RTN4IP1: variants seen among roughly 807,000 people sequenced by gnomAD.
RTN4IP1 encodes NAD(P)H oxidoreductase RTN4IP1, mitochondrial.
In RTN4IP1, 32 loss-of-function variants were observed where a neutral mutation model predicts 46.6. The observed-to-expected ratio is 0.69, with a 90% confidence interval of 0.52 to 0.92. RTN4IP1 has a LOEUF of 0.92. Among genes scored for constraint, RTN4IP1 ranks in the 40% least tolerant of loss-of-function variants. The pLI, the probability that RTN4IP1 is intolerant of heterozygous loss-of-function variation, is 0.00. For synonymous variants in RTN4IP1, 167 were observed against 161.8 expected (o/e 1.03, Z -0.24); for missense variants, 424 against 485.8 (o/e 0.87, Z 1.20).
chr6:106,588,865 C>T (rs1299616544), intron 6 of RTN4IP1, among the ~76,000 whole-genome samples: 1 of 151,896 alleles, frequency 6.6e-6, no homozygotes, highest in African/African-American at 2.4e-5. Flanking sequence ...AATCCCAGGA[C>T]TTTGGGAGGC....
intron 1 of RTN4IP1, among the ~76,000 whole-genome samples, chr6:106,626,717 G>A (rs1231229901): frequency 6.6e-6 from 1 of 152,112 alleles, no homozygotes; most frequent in Admixed American, 6.5e-5. Context: ...TTGGTGACAC[G>A]GATGACTGAA....
At chr6:106,594,080 T>C (rs1315261118) in intron 5 of RTN4IP1, among the ~76,000 whole-genome samples, 1 of 152,238 alleles carries the variant, frequency 6.6e-6, no homozygotes, top group Non-Finnish European at 1.5e-5. Context: ...CTCAAATTTC[T>C]GGTTTTTCCC....
intron 6 of RTN4IP1, 35 bp downstream of exon 6, chr6:106,592,129 C>T (rs757327131): frequency 6.2e-7 from 1 of 1,603,332 alleles, no homozygotes; most frequent in African/African-American, 1.3e-5. Context: ...TGTCCTTGTT[C>T]CCACTCCCAG....
At chr6:106,629,828 G>A (rs1236543783), upstream of RTN4IP1, 13 of 1,203,790 alleles carry the variant, frequency 1.1e-5, no homozygotes, top group African/African-American at 1.8e-4. Context: ...CTAGAACTGA[G>A]TGGGGGATAA....
intron 5 of RTN4IP1, among the ~76,000 whole-genome samples, chr6:106,599,667 A>T (rs1310339886): frequency 6.6e-6 from 1 of 152,110 alleles, no homozygotes; most frequent in Non-Finnish European, 1.5e-5. Flanking sequence ...GTAAGAATAT[A>T]CCACAATTTA....
intron 7 of RTN4IP1, among the ~76,000 whole-genome samples, chr6:106,584,405 C>A (rs1382983744): frequency 6.6e-6 from 1 of 152,224 alleles, no homozygotes; most frequent in Non-Finnish European, 1.5e-5. Flanking sequence ...GCCCTCTCCA[C>A]AACTACCCAC....
At chr6:106,576,695 G>A (rs55904932) in intron 8 of RTN4IP1, among the ~76,000 whole-genome samples, 9,041 of 152,270 alleles carry the variant, frequency 0.059, 385 homozygotes, top group Non-Finnish European at 0.089. Context: ...CTCTAGACAC[G>A]TGACTATTTA....
chr6:106,597,402 T>G (rs930147522), intron 5 of RTN4IP1, among the ~76,000 whole-genome samples: 31 of 152,194 alleles, frequency 2.0e-4, no homozygotes, highest in African/African-American at 6.8e-4. Context: ...TGAAGTGCAG[T>G]GGTGTGATCA....
chr6:106,589,178 G>A (rs1455948853), intron 6 of RTN4IP1, among the ~76,000 whole-genome samples: 4 of 17,912 alleles, frequency 2.2e-4, no homozygotes, highest in Non-Finnish European at 5.5e-4. Context: ...CGGTGGAGGA[G>A]GAGGAGGAGG....
chr6:106,604,628 T>C (rs1464139242), intron 4 of RTN4IP1, among the ~76,000 whole-genome samples: 14 of 152,178 alleles, frequency 9.2e-5, no homozygotes, highest in South Asian at 4.2e-4. Flanking sequence ...CACAGAAGAT[T>C]AACTCACATG....
chr6:106,606,972 G>A lies in RTN4IP1; in HGVS notation c.621-4050C>T, dbSNP rs113435072. Among the ~76,000 whole-genome samples, 204 of 152,114 alleles carry A rather than the reference G, an allele frequency of 1.3e-3. 2 individuals carry two copies. Among genetic ancestry groups the A allele is most frequent in the African/African-American group, 4.8e-3 (199 of 41,486 alleles). ...AATATGCACAAAAATAAAACAGCAG[G>A]AGGCATCACCCTACCTGACTTCAAA... On this transcript the variant is annotated intron_variant, in intron 4 of 8. Coordinates refer to ENST00000369063, the MANE Select transcript of RTN4IP1 (RefSeq NM_032730.5).
At chr6:106,597,248 T>C (rs965363454) in intron 5 of RTN4IP1, among the ~76,000 whole-genome samples, 1 of 152,240 alleles carries the variant, frequency 6.6e-6, no homozygotes, top group Admixed American at 6.5e-5. Context: ...ATGGGTTCAA[T>C]TCCCTTGCTT....
At chr6:106,589,076 C>T in intron 6 of RTN4IP1, among the ~76,000 whole-genome samples, 1 of 141,732 alleles carries the variant, frequency 7.1e-6, no homozygotes, top group Non-Finnish European at 1.5e-5. Flanking sequence ...TGCCATTGCA[C>T]TCCAGCCTGG....
chr6:106,589,778 G>A (rs1775600616), intron 6 of RTN4IP1, among the ~76,000 whole-genome samples: 1 of 152,162 alleles, frequency 6.6e-6, no homozygotes, highest in South Asian at 2.1e-4. Context: ...TCAAACTCCA[G>A]GCAGAAATTA....
chr6:106,595,771 T>C lies in RTN4IP1; in HGVS notation c.670-3471A>G, dbSNP rs543269517. Among the ~76,000 whole-genome samples the C allele has an allele frequency of 2.6e-5, 4 of 152,324 alleles. No homozygotes were observed. In the South Asian group the frequency reaches 8.3e-4, roughly 32 times the overall value. On this transcript the variant is annotated intron_variant, in intron 5 of 8. Transcript: ENST00000369063. Reference sequence around the variant, plus strand: ...CCTTGGCATCCCAAAGTGCTGAGATTACAGGCATGAGCCAACGCGTCCAGC... The same window carrying C: ...CCTTGGCATCCCAAAGTGCTGAGATCACAGGCATGAGCCAACGCGTCCAGC...
chr6:106,624,305 C>T (rs968999520), intron 1 of RTN4IP1, among the ~76,000 whole-genome samples: 3 of 152,056 alleles, frequency 2.0e-5, no homozygotes, highest in Admixed American at 6.5e-5. Context: ...CCGCCCGCCT[C>T]GGCCTCCCAA....
At chr6:106,573,729 G>A (rs1344846486) in intron 8 of RTN4IP1, among the ~76,000 whole-genome samples, 1 of 152,208 alleles carries the variant, frequency 6.6e-6, no homozygotes, top group Non-Finnish European at 1.5e-5. Context: ...GCCATCATCT[G>A]CTATCACCAT....
At chr6:106,620,190 C>T (rs936472650) in intron 3 of RTN4IP1, among the ~76,000 whole-genome samples, 20 of 151,944 alleles carry the variant, frequency 1.3e-4, no homozygotes, top group African/African-American at 4.1e-4. Context: ...CTGCAACCTC[C>T]GCCTCCCAGG....
intron 6 of RTN4IP1, among the ~76,000 whole-genome samples, chr6:106,591,460 A>G (rs550778258): frequency 6.6e-6 from 1 of 152,030 alleles, no homozygotes; most frequent in South Asian, 2.1e-4. Context: ...ATATACTTCT[A>G]CTCAATGTGG....
Sources: allele counts gnomAD v4.1 joint callset (sites outside exome capture counted in the v4.1 genomes callset), GRCh38; gene constraint gnomAD v4.1.1; transcripts MANE v1.5; gene names NCBI Gene and HGNC (gene_info 2026-07-23, HGNC 2026-07-21).